GABRP: variants seen among roughly 807,000 people sequenced by gnomAD.
GABRP encodes the protein gamma-aminobutyric acid type A receptor subunit pi.
Under a neutral mutation model 47.8 loss-of-function variants are expected in GABRP, and 52 were observed. That is an observed-to-expected ratio of 1.09 (90% CI 0.87 to 1.37). The LOEUF (loss-of-function observed/expected upper bound fraction) is 1.37. GABRP is among the 40% of genes most tolerant of loss of function. GABRP has a pLI of 0.00. For missense variants in GABRP, 525 were observed against 542.8 expected (o/e 0.97, Z 0.33); for synonymous variants, 221 against 205.8 (o/e 1.07, Z -0.63).
At chr5:170,802,643 C>A (rs114639755) in intron 6 of GABRP, among the ~76,000 whole-genome samples, 66 of 152,252 alleles carry the variant, frequency 4.3e-4, no homozygotes, top group Admixed American at 7.2e-4. Flanking sequence ...GAGACAGATT[C>A]TCCTGGAAAC....
rs1022327819 is a variant in GABRP at position 170,802,691 on chromosome 5, G to A, written c.542-3025G>A. On this transcript the variant is annotated intron_variant, in intron 6 of 9. Transcript: ENST00000265294. ...TTCACAAATACCATCCCCAGTGAGC[G>A]GAGGGAGTTTTCTCTGTTCAGCCTC... Among the ~76,000 whole-genome samples, 4 of 151,858 alleles carry A rather than the reference G, an allele frequency of 2.6e-5. No individual in the cohort carries two copies. The South Asian group carries it at 6.3e-4, about 24-fold the overall frequency.
chr5:170,793,433 A>G (rs939761296), intron 3 of GABRP, among the ~76,000 whole-genome samples: 1 of 151,998 alleles, frequency 6.6e-6, no homozygotes, highest in African/African-American at 2.4e-5. Context: ...GTCTGCTGAG[A>G]CTCCAGGATT....
In GABRP at chr5:170,783,757, C is replaced by T. The variant is rs929761; in HGVS notation, c.-160C>T. The stretch of plus-strand genomic sequence containing the variant: ...CTGAGGGTGGCTGCGTGTCCACATA[C>T]GAGGGGACAGGGCTGAGGATGAGGA... On this transcript the variant is annotated 5_prime_UTR_variant, in exon 1 of 10. It adds an upstream start codon to the 5' untranslated region. Coordinates refer to ENST00000265294, the MANE Select transcript of GABRP (RefSeq NM_014211.3). 0.12 allele frequency: 18,907 copies of T among 152,252 alleles called. 1,585 individuals are homozygous for T. Among genetic ancestry groups the T allele is most frequent in the East Asian group, 0.22 (1,156 of 5,166 alleles). The allele number at this position is 152,252 out of a possible 1,614,324, so 9.4% of individuals were successfully genotyped here. A position where few individuals can be genotyped will look rare whatever the true frequency, so the allele number is the denominator to read the frequency against.
At chr5:170,790,810 G>A (rs1765244443) in intron 3 of GABRP, among the ~76,000 whole-genome samples, 1 of 152,202 alleles carries the variant, frequency 6.6e-6, no homozygotes, top group Non-Finnish European at 1.5e-5. Flanking sequence ...GTGGTTGGCT[G>A]TGGCCCATGA....
chr5:170,795,694 C>G (rs1765409070), intron 5 of GABRP, among the ~76,000 whole-genome samples: 1 of 152,088 alleles, frequency 6.6e-6, no homozygotes, highest in Non-Finnish European at 1.5e-5. Flanking sequence ...AAAGGAGGTC[C>G]CTGGTGCTGG....
intron 6 of GABRP, among the ~76,000 whole-genome samples, chr5:170,802,483 T>C (rs954006126): frequency 6.6e-6 from 1 of 152,200 alleles, no homozygotes; most frequent in African/African-American, 2.4e-5. Flanking sequence ...ATCTTATTGA[T>C]TAAATGCATG....
At chr5:170,796,655 A>G (rs1469316162) in intron 5 of GABRP, among the ~76,000 whole-genome samples, 1 of 152,184 alleles carries the variant, frequency 6.6e-6, no homozygotes, top group Non-Finnish European at 1.5e-5. Context: ...TAATGCATGC[A>G]AAGCACTCAG....
Position 170,802,232 on chromosome 5 carries a change from C to T in GABRP, c.542-3484C>T, listed in dbSNP as rs1298381812. 3.3e-5 allele frequency among the ~76,000 whole-genome samples: 5 copies of T among 152,058 alleles called. No homozygotes were observed. In the South Asian group the frequency reaches 6.2e-4, roughly 19 times the overall value. On this transcript the variant is annotated intron_variant, in intron 6 of 9. Coordinates refer to ENST00000265294, the MANE Select transcript of GABRP (RefSeq NM_014211.3). The stretch of plus-strand genomic sequence containing the variant: ...TCCATTGTTCCTTAGTAAACCGCTC[C>T]GAAATGCCCACCAAACTGGGGCACC...
At chr5:170,795,100 C>G (rs1765388517) in intron 4 of GABRP, 108 bp from the exon 5 acceptor site, 2 of 773,684 alleles carry the variant, frequency 2.6e-6, no homozygotes, top group Admixed American at 1.8e-5. Context: ...TATTCTTGCT[C>G]TAAGTGGAGG....
At chr5:170,805,393 T>A (rs1765703117) in intron 6 of GABRP, among the ~76,000 whole-genome samples, 1 of 152,180 alleles carries the variant, frequency 6.6e-6, no homozygotes, top group Non-Finnish European at 1.5e-5. Flanking sequence ...TATCTTTGCG[T>A]GTTCACAGAT....
At position 170,813,498 on chromosome 5, in the gene GABRP, A is replaced by T. The variant is rs546632163; in HGVS notation, c.*1240A>T. On this transcript the variant is annotated 3_prime_UTR_variant, in exon 10 of 10. Coordinates refer to ENST00000265294, the MANE Select transcript of GABRP (RefSeq NM_014211.3). ...TCTGAGTAACAATGAGATACGTTAC[A>T]GAACCTATGTTCAGGTTGCGGGTGA... 6.6e-6 allele frequency: 1 copy of T among 152,414 alleles called. No individual in the cohort carries two copies. Among genetic ancestry groups the T allele is most frequent in the African/African-American group, 2.4e-5 (1 of 41,592 alleles). 9.4% of individuals were successfully genotyped at this position (152,414 alleles called of 1,614,324 possible).
At position 170,788,674 on chromosome 5, in the gene GABRP, C is replaced by T. The variant is rs1765186563; in HGVS notation, c.53+6C>T. On this transcript the variant is annotated splice_donor_region_variant and intron_variant, in intron 2 of 9. Coordinates refer to ENST00000265294, the MANE Select transcript of GABRP (RefSeq NM_014211.3). ...CTGAGTCTCTTCACTGAGAGGTGAG[C>T]TTTGCTACCCCCAGAATGGCCTCCA... is the stretch of plus-strand genomic sequence containing the variant. 1.9e-6 allele frequency: 3 copies of T among 1,613,680 alleles called. No individual in the cohort carries two copies. Among genetic ancestry groups the T allele is most frequent in the Non-Finnish European group, 2.5e-6 (3 of 1,179,766 alleles).
chr5:170,811,897 C>T, intron 9 of GABRP, 59 bp from the exon 10 acceptor site: 1 of 1,466,668 alleles, frequency 6.8e-7, no homozygotes, highest in South Asian at 1.2e-5. Context: ...AGCTCATTAC[C>T]TACTTATTTA....
At chr5:170,801,226 C>A (rs1395113181) in intron 6 of GABRP, among the ~76,000 whole-genome samples, 1 of 152,206 alleles carries the variant, frequency 6.6e-6, no homozygotes, top group African/African-American at 2.4e-5. Context: ...AGCCCTTCCA[C>A]TGGGCTGGAG....
chr5:170,804,510 C>T (rs1247542414), intron 6 of GABRP, among the ~76,000 whole-genome samples: 4 of 152,154 alleles, frequency 2.6e-5, no homozygotes, highest in African/African-American at 9.7e-5. Context: ...TCTGCATGTG[C>T]TGGCCTTCGT....
At chr5:170,802,854 G>C (rs1049958048) in intron 6 of GABRP, among the ~76,000 whole-genome samples, 10 of 134,192 alleles carry the variant, frequency 7.5e-5, no homozygotes, top group Admixed American at 5.8e-4. Flanking sequence ...CCAGTGAGCG[G>C]AGGGAGCTTT....
chr5:170,799,076 C>T (rs1357832741), intron 6 of GABRP, among the ~76,000 whole-genome samples: 1 of 152,034 alleles, frequency 6.6e-6, no homozygotes, highest in South Asian at 2.1e-4. Flanking sequence ...TGATGGTTTC[C>T]AGCTTCATCC....
chr5:170,796,457 A>T (rs1765431426), intron 5 of GABRP, among the ~76,000 whole-genome samples: 1 of 152,180 alleles, frequency 6.6e-6, no homozygotes, highest in Non-Finnish European at 1.5e-5. Context: ...TTGTGTAAGG[A>T]TTACAAATAA....
chr5:170,793,705 T>C (rs140737075), intron 3 of GABRP, among the ~76,000 whole-genome samples: 13 of 152,350 alleles, frequency 8.5e-5, no homozygotes, highest in Admixed American at 5.9e-4. Flanking sequence ...ACCCTCCATG[T>C]AAGAAGTGGC....
Sources: allele counts gnomAD v4.1 joint callset (sites outside exome capture counted in the v4.1 genomes callset), GRCh38; gene constraint gnomAD v4.1.1; transcripts MANE v1.5; gene names NCBI Gene and HGNC (gene_info 2026-07-23, HGNC 2026-07-21).